Variants in PIK3R1 observed in about 807,000 individuals in gnomAD.
The protein encoded by PIK3R1 is phosphoinositide-3-kinase regulatory subunit 1, also known as phosphatidylinositol 3-kinase regulatory subunit alpha.
Under a neutral mutation model 98.0 loss-of-function variants are expected in PIK3R1, and 29 were observed. That is an observed-to-expected ratio of 0.30 (90% CI 0.22 to 0.40). The LOEUF (loss-of-function observed/expected upper bound fraction) is 0.40, where lower values mean the gene tolerates loss of function less well. Ranked by LOEUF, PIK3R1 falls within the 10% of genes least tolerant of loss-of-function variation. The pLI is 1.00. For missense variants in PIK3R1, 596 were observed against 872.7 expected (o/e 0.68, Z 3.99); for synonymous variants, 282 against 311.8 (o/e 0.90, Z 1.01).
intron 2 of PIK3R1, among the ~76,000 whole-genome samples, chr5:68,239,288 A>G (rs1052022296): frequency 6.6e-6 from 1 of 152,228 alleles, no homozygotes; most frequent in Admixed American, 6.5e-5. Flanking sequence ...ACCTAGAAAT[A>G]TATATTCCAA....
In PIK3R1 at chr5:68,298,336, C is replaced by T. The variant is rs1006840521; in HGVS notation, c.*735C>T. 4.3e-6 allele frequency: 1 copy of T among 233,144 alleles called. No homozygotes were observed. Among genetic ancestry groups the T allele is most frequent in the African/African-American group, 2.2e-5 (1 of 45,308 alleles). The allele number at this position is 233,144 out of a possible 1,614,324, so 14.4% of individuals were successfully genotyped here. Reference sequence around the variant, plus strand: ...TACATAATATTGGATGACTAACTATCAAATAGATGGATTTGTATCAATACC... The same window carrying T: ...TACATAATATTGGATGACTAACTATTAAATAGATGGATTTGTATCAATACC... On this transcript the variant is annotated 3_prime_UTR_variant, in exon 16 of 16. Coordinates refer to ENST00000521381, the MANE Select transcript of PIK3R1 (RefSeq NM_181523.3).
intron 2 of PIK3R1, among the ~76,000 whole-genome samples, chr5:68,271,008 A>T (rs1746334352): frequency 6.6e-6 from 1 of 152,230 alleles, no homozygotes. Flanking sequence ...ATTTTAACAT[A>T]CAGGGATTTG....
Position 68,280,557 on chromosome 5 carries a change from C to A in PIK3R1, c.664C>A (p.Leu222Ile), listed in dbSNP as rs753918601. Residue 222 changes from leucine (L) to isoleucine (I), a missense_variant, in exon 6 of 16, where the codon CTA becomes ATA. Leu to Ile is a conservative substitution (Grantham distance 5, BLOSUM62 2). Transcript: ENST00000521381. ...ACAAAGCTCCGAAGAATATATTCAG[C>A]TATTGAAGAAGCTTATTAGGTCGCC... ...EVQSSEEYIQ[L>I]LKKLIRSPSI... 1 of 1,608,450 alleles carries A rather than the reference C, an allele frequency of 6.2e-7. No individual in the cohort carries two copies. Among genetic ancestry groups the A allele is most frequent in the Non-Finnish European group, 8.5e-7 (1 of 1,176,026 alleles).
intron 3 of PIK3R1, 27 bp from the exon 4 acceptor site, chr5:68,273,912 T>C: frequency 6.3e-7 from 1 of 1,582,192 alleles, no homozygotes; most frequent in Non-Finnish European, 8.7e-7. Flanking sequence ...TTTGCATACA[T>C]GGTCTGTGGT....
chr5:68,240,557 A>C (rs1212189813), intron 2 of PIK3R1, among the ~76,000 whole-genome samples: 2 of 152,232 alleles, frequency 1.3e-5, no homozygotes, highest in Non-Finnish European at 2.9e-5. Context: ...AACTTTGACA[A>C]GATGCAAAAA....
chr5:68,234,289 C>G (rs1744586195), intron 2 of PIK3R1, among the ~76,000 whole-genome samples: 1 of 152,110 alleles, frequency 6.6e-6, no homozygotes. Flanking sequence ...AAATAAGACC[C>G]AGAAAAATTG....
At chr5:68,292,210 G>A in intron 7 of PIK3R1, 49 bp from the exon 8 acceptor site, 2 of 1,126,664 alleles carry the variant, frequency 1.8e-6, no homozygotes, top group Non-Finnish European at 2.6e-6. Flanking sequence ...AAGAAATTTA[G>A]TTCTAATGTA....
chr5:68,290,352 G>A (rs752132899), intron 7 of PIK3R1, among the ~76,000 whole-genome samples: 1 of 152,216 alleles, frequency 6.6e-6, no homozygotes, highest in Non-Finnish European at 1.5e-5. Context: ...CGGAGCTGCA[G>A]CATATCAGCT....
chr5:68,279,825 G>C (rs1389285120), intron 5 of PIK3R1, 92 bp downstream of exon 5: 2 of 1,231,830 alleles, frequency 1.6e-6, no homozygotes, highest in African/African-American at 1.5e-5. Context: ...ATAGTGGTTA[G>C]AAAATAGTAG....
At chr5:68,253,840 C>A (rs1014187680) in intron 2 of PIK3R1, among the ~76,000 whole-genome samples, 19 of 152,126 alleles carry the variant, frequency 1.2e-4, no homozygotes, top group African/African-American at 4.6e-4. Flanking sequence ...TTGGTGTAGT[C>A]ATATTCTCTC....
chr5:68,288,382 G>A, intron 7 of PIK3R1: 1 of 1,134,188 alleles, frequency 8.8e-7, no homozygotes, highest in Non-Finnish European at 1.1e-6. Context: ...TTATCTAAGG[G>A]AGACGTGCGA....
chr5:68,240,451 TCA>T (rs1744831540), intron 2 of PIK3R1, among the ~76,000 whole-genome samples: 1 of 152,258 alleles, frequency 6.6e-6, no homozygotes, highest in Non-Finnish European at 1.5e-5. Flanking sequence ...AGCATAAAAT[TCA>T]CAGTTGTTTA....
At position 68,266,736 on chromosome 5, in the gene PIK3R1, A is replaced by G. The variant is rs74992195; in HGVS notation, c.335-6654A>G. On this transcript the variant is annotated intron_variant, in intron 2 of 15. Coordinates refer to ENST00000521381, the MANE Select transcript of PIK3R1 (RefSeq NM_181523.3). ...GAAGACAAGCCCAAACTAAATACAT[A>G]GGCATTACTTAAGAGCTTTGTGACA... Among the ~76,000 whole-genome samples, 24 of 152,324 alleles carry G rather than the reference A, an allele frequency of 1.6e-4. 2 individuals carry two copies. The East Asian group carries it at 4.4e-3, about 28-fold the overall frequency.
At chr5:68,241,432 G>A (rs2112024296) in intron 2 of PIK3R1, among the ~76,000 whole-genome samples, 1 of 150,296 alleles carries the variant, frequency 6.7e-6, no homozygotes, top group East Asian at 1.9e-4. Context: ...ATTACATTGA[G>A]ATGCTACATT....
chr5:68,264,394 T>A (rs1746038331), intron 2 of PIK3R1, among the ~76,000 whole-genome samples: 1 of 152,240 alleles, frequency 6.6e-6, no homozygotes, highest in Admixed American at 6.5e-5. Context: ...ACAGAGTGGT[T>A]ACAATTGGCT....
intron 2 of PIK3R1, among the ~76,000 whole-genome samples, chr5:68,244,619 C>T (rs939960495): frequency 8.8e-5 from 13 of 148,396 alleles, no homozygotes; most frequent in Non-Finnish European, 1.0e-4. Flanking sequence ...TAGCTGTAAC[C>T]ACATTGTAAT....
At position 68,280,935 on chromosome 5, in the gene PIK3R1, A is replaced by C. The variant is rs771365361; in HGVS notation, c.845A>C (p.Asn282Thr). ...LFRFSAASSD[N>T]TENLIKVIEI... Reference sequence around the variant, plus strand: ...AACTCTCTTTCTTACAGCTCTGATAATACTGAAAACCTCATAAAAGTTATA... The same window carrying C: ...AACTCTCTTTCTTACAGCTCTGATACTACTGAAAACCTCATAAAAGTTATA... Residue 282 changes from asparagine to threonine, a missense_variant, in exon 7 of 16, where the codon AAT becomes ACT. Coordinates refer to ENST00000521381, the MANE Select transcript of PIK3R1 (RefSeq NM_181523.3). 56 of 1,588,590 alleles carry C rather than the reference A, an allele frequency of 3.5e-5. No homozygotes were observed. The highest frequency in any genetic ancestry group is 4.6e-5 in the Non-Finnish European group (54 of 1,163,414).
At chr5:68,269,884 T>TA (rs56762397) in intron 2 of PIK3R1, among the ~76,000 whole-genome samples, 49,102 of 149,332 alleles carry the variant, frequency 0.33, 9,362 homozygotes, top group African/African-American at 0.55. Flanking sequence ...AATTGCTATT[T>TA]AAAAAAAAAA....
Position 68,262,858 on chromosome 5 carries a change from T to C in PIK3R1, c.335-10532T>C, listed in dbSNP as rs1474339841. ...ATGTATACATGTAGATACATGTAGA[T>C]ACATGTATACATGTAGATACATGTA... On this transcript the variant is annotated intron_variant, in intron 2 of 15. Coordinates refer to ENST00000521381, the MANE Select transcript of PIK3R1 (RefSeq NM_181523.3). Among the ~76,000 whole-genome samples, 2 of 124,598 alleles carry C rather than the reference T, an allele frequency of 1.6e-5. 1 individual carries two copies. Among genetic ancestry groups the C allele is most frequent in the Non-Finnish European group, 3.4e-5 (2 of 58,796 alleles). The allele number at this position is 124,598 out of a possible 152,430, so 81.7% of individuals were successfully genotyped here. A position where few individuals can be genotyped will look rare whatever the true frequency, so the allele number is the denominator to read the frequency against.
Sources: allele counts gnomAD v4.1 joint callset (sites outside exome capture counted in the v4.1 genomes callset), GRCh38; gene constraint gnomAD v4.1.1; transcripts MANE v1.5; gene names NCBI Gene and HGNC (gene_info 2026-07-23, HGNC 2026-07-21).